Variants in SV2C observed in about 807,000 individuals in gnomAD.
The protein encoded by SV2C is synaptic vesicle glycoprotein 2C.
A neutral mutation model predicts 79.7 loss-of-function variants in SV2C; 49 were observed. The ratio of observed to expected loss-of-function variants is 0.61; its 90% CI spans 0.49 to 0.78. The LOEUF is 0.78. SV2C is among the 30% of genes least tolerant of loss of function. The pLI is 0.00. For synonymous variants in SV2C, 334 were observed against 333.2 expected (o/e 1.00, Z -0.03); for missense variants, 833 against 912.9 (o/e 0.91, Z 1.13).
At chr5:76,115,192 A>G (rs915888983) in intron 1 of SV2C, among the ~76,000 whole-genome samples, 3 of 152,236 alleles carry the variant, frequency 2.0e-5, no homozygotes, top group Non-Finnish European at 4.4e-5. Context: ...CCACTGAGGT[A>G]GTATATGGAT....
At chr5:76,175,410 A>T (rs1262982657) in intron 2 of SV2C, among the ~76,000 whole-genome samples, 1 of 152,024 alleles carries the variant, frequency 6.6e-6, no homozygotes, top group Non-Finnish European at 1.5e-5. Context: ...CCTTTAAAGT[A>T]GGGGGATATA....
At chr5:75,916,361 C>T in the SV2C span, among the ~76,000 whole-genome samples, 1 of 140,362 alleles carries the variant, frequency 7.1e-6, no homozygotes, top group African/African-American at 2.7e-5. Flanking sequence ...CCCTTCTCCT[C>T]TCCTCCTCCT....
the SV2C span, among the ~76,000 whole-genome samples, chr5:75,908,701 T>C: frequency 6.6e-6 from 1 of 152,208 alleles, no homozygotes; most frequent in South Asian, 2.1e-4. Flanking sequence ...GATTTGGTTA[T>C]GCTGACTACT....
chr5:76,225,194 A>G (rs1388795756), intron 4 of SV2C, among the ~76,000 whole-genome samples: 1 of 152,226 alleles, frequency 6.6e-6, no homozygotes, highest in African/African-American at 2.4e-5. Flanking sequence ...GAATCTAATT[A>G]TGCAGTGAAG....
the SV2C span, among the ~76,000 whole-genome samples, chr5:75,909,116 C>T: frequency 1.3e-5 from 2 of 152,210 alleles, no homozygotes; most frequent in African/African-American, 4.8e-5. Context: ...GCTCCAGAAT[C>T]CAGGTTTCCT....
rs560228231 is a variant in SV2C, at chr5:76,330,103, T to C, written c.*4556T>C. 2.6e-4 allele frequency: 40 copies of C among 152,134 alleles called. No homozygotes were observed. Among genetic ancestry groups the C allele is most frequent in the Non-Finnish European group, 5.0e-4 (34 of 68,024 alleles). The allele number at this position is 152,134 out of a possible 1,614,324, so 9.4% of individuals were successfully genotyped here. A position where few individuals can be genotyped will look rare whatever the true frequency, so the allele number is the denominator to read the frequency against. ...AACCTGTTAGTATATTCTGGATGTA[T>C]TGTGTGTCCCTTCATTGTTTCAGGT... On this transcript the variant is annotated 3_prime_UTR_variant, in exon 13 of 13. Coordinates refer to ENST00000502798, the MANE Select transcript of SV2C (RefSeq NM_014979.4).
At chr5:75,965,107 C>A in the SV2C span, among the ~76,000 whole-genome samples, 2 of 152,130 alleles carry the variant, frequency 1.3e-5, no homozygotes, top group African/African-American at 4.8e-5. Context: ...CTTGCAGACA[C>A]TTTGACTTGC....
intron 4 of SV2C, among the ~76,000 whole-genome samples, chr5:76,262,176 G>A (rs1310032462): frequency 1.3e-5 from 2 of 152,176 alleles, no homozygotes; most frequent in Admixed American, 6.5e-5. Context: ...GAGGGTGTAT[G>A]TGTCAAGGAA....
At chr5:76,082,776 T>C (rs538402797), upstream of SV2C, among the ~76,000 whole-genome samples, 4 of 152,208 alleles carry the variant, frequency 2.6e-5, no homozygotes, top group East Asian at 7.8e-4. Context: ...TTGCTCTTGC[T>C]GTGCCCAAGT....
the SV2C span, chr5:75,920,763 T>G: frequency 1.3e-6 from 1 of 779,552 alleles, no homozygotes; most frequent in Admixed American, 1.7e-5. Flanking sequence ...GATGGTCTCT[T>G]GGGTCCCGTT....
At chr5:76,019,670 G>A in the SV2C span, among the ~76,000 whole-genome samples, 2 of 152,000 alleles carry the variant, frequency 1.3e-5, no homozygotes, top group Non-Finnish European at 2.9e-5. Context: ...CAAGACTCTC[G>A]GATGAGAGAT....
chr5:76,276,407 C>A (rs1747023406), intron 4 of SV2C, among the ~76,000 whole-genome samples: 1 of 152,210 alleles, frequency 6.6e-6, no homozygotes, highest in African/African-American at 2.4e-5. Flanking sequence ...GTACCCAACA[C>A]CCTTTCCAGG....
At chr5:75,910,677 C>T in the SV2C span, 16 of 1,206,374 alleles carry the variant, frequency 1.3e-5, no homozygotes, top group Non-Finnish European at 2.0e-5. Context: ...AAAGACGAGG[C>T]CAAGACTGCC....
the SV2C span, among the ~76,000 whole-genome samples, chr5:75,970,211 A>G: frequency 6.6e-6 from 1 of 152,096 alleles, no homozygotes. Context: ...AATGCCCACA[A>G]GAGAAAGCAG....
At chr5:75,970,412 T>C in the SV2C span, among the ~76,000 whole-genome samples, 6 of 151,946 alleles carry the variant, frequency 3.9e-5, no homozygotes, top group Non-Finnish European at 7.4e-5. Flanking sequence ...ATCAACACTA[T>C]TGATAGACTG....
intron 2 of SV2C, among the ~76,000 whole-genome samples, chr5:76,157,520 C>T (rs1384900365): frequency 3.3e-5 from 5 of 151,878 alleles, no homozygotes; most frequent in African/African-American, 1.2e-4. Flanking sequence ...TATATCACCT[C>T]CCTTTTTAAA....
At chr5:75,930,131 C>A in the SV2C span, among the ~76,000 whole-genome samples, 1 of 152,154 alleles carries the variant, frequency 6.6e-6, no homozygotes, top group South Asian at 2.1e-4. Context: ...TTCCCCTCCC[C>A]TCCCTAACCC....
intron 1 of SV2C, among the ~76,000 whole-genome samples, chr5:76,125,477 C>T (rs1748674710): frequency 6.6e-6 from 1 of 152,060 alleles, no homozygotes; most frequent in Non-Finnish European, 1.5e-5. Context: ...GAGAACTGCT[C>T]ACTGGTGTCA....
intron 2 of SV2C, among the ~76,000 whole-genome samples, chr5:76,191,376 A>G (rs1429829456): frequency 6.6e-6 from 1 of 152,194 alleles, no homozygotes; most frequent in African/African-American, 2.4e-5. Flanking sequence ...TTTTCATTGA[A>G]AATCAGTTTA....
Sources: allele counts gnomAD v4.1 joint callset (sites outside exome capture counted in the v4.1 genomes callset), GRCh38; gene constraint gnomAD v4.1.1; transcripts MANE v1.5; gene names NCBI Gene and HGNC (gene_info 2026-07-23, HGNC 2026-07-21).